The following GALNT13 variants were observed in gnomAD, a reference collection of about 807,000 sequenced individuals.
The protein encoded by GALNT13 is polypeptide N-acetylgalactosaminyltransferase 13, also known as UDP-GalNAc:polypeptide N-acetylgalactosaminyltransferase 13.
A neutral mutation model predicts 64.2 loss-of-function variants in GALNT13; 28 were observed. The ratio of observed to expected loss-of-function variants is 0.44; its 90% CI spans 0.32 to 0.60. The LOEUF (loss-of-function observed/expected upper bound fraction) is 0.60, where lower values mean the gene tolerates loss of function less well. GALNT13 is among the 20% of genes least tolerant of loss of function. The pLI is 0.05. For missense variants in GALNT13, 577 were observed against 669.8 expected (o/e 0.86, Z 1.53); for synonymous variants, 214 against 224.6 (o/e 0.95, Z 0.42).
intron 4 of GALNT13, among the ~76,000 whole-genome samples, chr2:154,170,608 G>A (rs2105698796): frequency 6.6e-6 from 1 of 152,262 alleles, no homozygotes; most frequent in Non-Finnish European, 1.5e-5. Context: ...AGCAAGCATA[G>A]TGCCAGATGT....
chr2:153,566,687 G>A, the GALNT13 span, among the ~76,000 whole-genome samples: 1 of 152,212 alleles, frequency 6.6e-6, no homozygotes, highest in South Asian at 2.1e-4. Context: ...GAAAAGTCAG[G>A]TTAAGTCACT....
chr2:154,297,393 A>G (rs1400783248), intron 8 of GALNT13, among the ~76,000 whole-genome samples: 2 of 152,164 alleles, frequency 1.3e-5, no homozygotes, highest in African/African-American at 4.8e-5. Context: ...ACTGCCTCAC[A>G]TATGGCCTGT....
At chr2:153,567,017 A>G in the GALNT13 span, among the ~76,000 whole-genome samples, 2 of 152,132 alleles carry the variant, frequency 1.3e-5, no homozygotes, top group African/African-American at 2.4e-5. Flanking sequence ...AACATAAACT[A>G]TTGACATATT....
chr2:154,074,807 C>A (rs1429232647), intron 3 of GALNT13, among the ~76,000 whole-genome samples: 1 of 151,636 alleles, frequency 6.6e-6, no homozygotes, highest in Non-Finnish European at 1.5e-5. Context: ...AAATGTAATT[C>A]ACCACATAAT....
At chr2:153,475,077 C>G in the GALNT13 span, among the ~76,000 whole-genome samples, 1 of 152,194 alleles carries the variant, frequency 6.6e-6, no homozygotes. Flanking sequence ...CAAAGAGAGT[C>G]AAAGGCAGAG....
At chr2:153,249,354 T>C in the GALNT13 span, among the ~76,000 whole-genome samples, 5 of 151,994 alleles carry the variant, frequency 3.3e-5, no homozygotes, top group Admixed American at 3.3e-4. Context: ...GAACTACAAA[T>C]CACTGCTCAA....
chr2:154,433,917 C>T (rs1223557978), intron 11 of GALNT13, among the ~76,000 whole-genome samples: 3 of 152,080 alleles, frequency 2.0e-5, no homozygotes, highest in Non-Finnish European at 4.4e-5. Context: ...TAGAATGTAA[C>T]CATATTAGAG....
intron 11 of GALNT13, among the ~76,000 whole-genome samples, chr2:154,430,022 T>C (rs1700642041): frequency 1.3e-5 from 2 of 152,198 alleles, no homozygotes; most frequent in Admixed American, 6.5e-5. Flanking sequence ...TTACTCCTCA[T>C]TGATAATTTA....
chr2:153,705,427 A>T, the GALNT13 span, among the ~76,000 whole-genome samples: 11 of 151,474 alleles, frequency 7.3e-5, no homozygotes, highest in Admixed American at 5.9e-4. Context: ...AAACTATTGC[A>T]TTTGATAGAA....
At chr2:154,148,936 A>T (rs925384905) in intron 4 of GALNT13, among the ~76,000 whole-genome samples, 27 of 152,068 alleles carry the variant, frequency 1.8e-4, no homozygotes, top group African/African-American at 5.8e-4. Flanking sequence ...GTTTAATTAG[A>T]TACCATTTGT....
the GALNT13 span, among the ~76,000 whole-genome samples, chr2:153,133,517 C>T: frequency 6.6e-6 from 1 of 152,040 alleles, no homozygotes; most frequent in African/African-American, 2.4e-5. Flanking sequence ...CAATTTTTCT[C>T]ACCCATTTAT....
the GALNT13 span, among the ~76,000 whole-genome samples, chr2:153,084,355 C>T: frequency 6.6e-6 from 1 of 152,156 alleles, no homozygotes; most frequent in Non-Finnish European, 1.5e-5. Flanking sequence ...AATATTGATT[C>T]TACTCATCCA....
chr2:154,422,181 T>C (rs1700282989), intron 11 of GALNT13, among the ~76,000 whole-genome samples: 1 of 152,140 alleles, frequency 6.6e-6, no homozygotes, highest in South Asian at 2.1e-4. Context: ...AAAGAAGCAA[T>C]GAGCTTTCAG....
At chr2:154,309,449 T>G (rs555609844) in intron 9 of GALNT13, among the ~76,000 whole-genome samples, 3 of 152,324 alleles carry the variant, frequency 2.0e-5, no homozygotes, top group Admixed American at 2.0e-4. Flanking sequence ...TGACTCACAA[T>G]TCTGCAGGCT....
At chr2:153,259,486 C>T in the GALNT13 span, among the ~76,000 whole-genome samples, 1 of 151,962 alleles carries the variant, frequency 6.6e-6, no homozygotes, top group Admixed American at 6.5e-5. Flanking sequence ...TGTGTCCCCA[C>T]CGAAATCTCA....
the GALNT13 span, among the ~76,000 whole-genome samples, chr2:153,118,036 T>A: frequency 6.6e-6 from 1 of 151,758 alleles, no homozygotes; most frequent in African/African-American, 2.4e-5. Context: ...GTTTTCTTGA[T>A]TCCAGTCAAT....
At chr2:154,169,027 A>AAG (rs920749368) in intron 4 of GALNT13, among the ~76,000 whole-genome samples, 2 of 151,938 alleles carry the variant, frequency 1.3e-5, no homozygotes, top group Non-Finnish European at 2.9e-5. Flanking sequence ...CAGAAAAGAC[A>AAG]AGAGAGAGAG....
At chr2:153,321,159 A>G in the GALNT13 span, among the ~76,000 whole-genome samples, 6 of 152,260 alleles carry the variant, frequency 3.9e-5, no homozygotes, top group African/African-American at 1.4e-4. Flanking sequence ...CTGAGGGAAT[A>G]GTGTACATTT....
chr2:153,691,910 A>T, the GALNT13 span, among the ~76,000 whole-genome samples: 61 of 152,212 alleles, frequency 4.0e-4, no homozygotes, highest in East Asian at 6.8e-3. Flanking sequence ...TGATATTCTT[A>T]AAAAAACATG....
Sources: allele counts gnomAD v4.1 joint callset (sites outside exome capture counted in the v4.1 genomes callset), GRCh38; gene constraint gnomAD v4.1.1; transcripts MANE v1.5; gene names NCBI Gene and HGNC (gene_info 2026-07-23, HGNC 2026-07-21).